DPP10: variants seen among roughly 807,000 people sequenced by gnomAD.
DPP10 encodes dipeptidyl peptidase like 10.
DPP10 carries 33 observed loss-of-function variants against 120.9 expected under a neutral mutation model. The ratio of observed to expected loss-of-function variants is 0.27; its 90% CI spans 0.21 to 0.37. The LOEUF is 0.37. Among genes scored for constraint, DPP10 ranks in the 10% least tolerant of loss-of-function variants. The pLI, the probability that DPP10 is intolerant of heterozygous loss-of-function variation, is 1.00. For missense variants in DPP10, 816 were observed against 942.8 expected, an observed-to-expected ratio of 0.87 and a Z score of 1.76; for synonymous variants, 337 against 326.1, an observed-to-expected ratio of 1.03 and a Z score of -0.36.
chr2:115,173,841 C>T (rs769847779), intron 1 of DPP10, among the ~76,000 whole-genome samples: 1 of 152,132 alleles, frequency 6.6e-6, no homozygotes, highest in African/African-American at 2.4e-5. Context: ...ATCTGGTTTA[C>T]TGATAAGGCA....
At position 114,819,005 on chromosome 2, in the gene DPP10, G is replaced by T. The variant is rs375391723; in HGVS notation, c.60+376167G>T. 5.3e-5 allele frequency among the ~76,000 whole-genome samples: 8 copies of T among 152,072 alleles called. No homozygotes were observed. The East Asian group carries it at 7.8e-4, about 15-fold the overall frequency. ...TTTTCATTAATTGACTTAGTGATAC[G>T]TTACCTAACTCTGTTGCATAGTTTT... is the stretch of plus-strand genomic sequence containing the variant. On this transcript the variant is annotated intron_variant, in intron 1 of 25. Transcript: ENST00000410059.
chr2:114,963,639 G>A (rs1238172219), intron 1 of DPP10, among the ~76,000 whole-genome samples: 1 of 152,130 alleles, frequency 6.6e-6, no homozygotes, highest in East Asian at 1.9e-4. Context: ...AAAGCAAAGA[G>A]ATTCACAGAA....
At chr2:115,042,489 C>T (rs185784651) in intron 1 of DPP10, among the ~76,000 whole-genome samples, 6 of 140,728 alleles carry the variant, frequency 4.3e-5, no homozygotes, top group Non-Finnish European at 9.8e-5. Context: ...TGATCTCAAA[C>T]TTCTGGCCTC....
At position 115,764,338 on chromosome 2, in the gene DPP10, G is replaced by T. The variant is rs1201006917; in HGVS notation, c.1113+1728G>T. On this transcript the variant is annotated intron_variant, in intron 12 of 25. Coordinates refer to ENST00000410059, the MANE Select transcript of DPP10 (RefSeq NM_020868.6). Reference sequence around the variant, plus strand: ...GATGGATAGACACAGATAAATGTTTGTATATATATTACGAGTATATGTGTC... The same window carrying T: ...GATGGATAGACACAGATAAATGTTTTTATATATATTACGAGTATATGTGTC... Among the ~76,000 whole-genome samples, 5 of 151,918 alleles carry T rather than the reference G, an allele frequency of 3.3e-5. No individual in the cohort carries two copies. In the East Asian group the frequency reaches 9.7e-4, roughly 29 times the overall value.
At chr2:114,775,510 G>A (rs997844919) in intron 1 of DPP10, among the ~76,000 whole-genome samples, 7 of 152,142 alleles carry the variant, frequency 4.6e-5, no homozygotes, top group Non-Finnish European at 1.0e-4. Flanking sequence ...TGGGCATCCT[G>A]AAAATCCTTT....
intron 1 of DPP10, among the ~76,000 whole-genome samples, chr2:114,515,215 A>G (rs1381634574): frequency 1.3e-5 from 2 of 152,178 alleles, no homozygotes; most frequent in Non-Finnish European, 2.9e-5. Context: ...CATGGGCATA[A>G]ACATTGAGAA....
chr2:115,063,395 G>A (rs1389418921), intron 1 of DPP10, among the ~76,000 whole-genome samples: 1 of 152,028 alleles, frequency 6.6e-6, no homozygotes. Flanking sequence ...AGTTTAATTA[G>A]ATCCCTTTTG....
At chr2:115,826,923 A>G (rs1439097358) in intron 21 of DPP10, among the ~76,000 whole-genome samples, 1 of 152,036 alleles carries the variant, frequency 6.6e-6, no homozygotes, top group Non-Finnish European at 1.5e-5. Context: ...ATTCAATCTG[A>G]CAGACTCTGC....
At chr2:115,700,514 G>T (rs1273616172) in intron 7 of DPP10, among the ~76,000 whole-genome samples, 2 of 152,024 alleles carry the variant, frequency 1.3e-5, no homozygotes, top group Non-Finnish European at 2.9e-5. Context: ...TAGTTTCTTT[G>T]AGATAAGAAA....
chr2:115,181,303 A>G (rs1202541452), intron 1 of DPP10, among the ~76,000 whole-genome samples: 1 of 152,184 alleles, frequency 6.6e-6, no homozygotes, highest in Non-Finnish European at 1.5e-5. Context: ...TTCATATCAT[A>G]TCACTCCCTT....
chr2:115,067,196 T>G (rs1200766332), intron 1 of DPP10, among the ~76,000 whole-genome samples: 1 of 152,130 alleles, frequency 6.6e-6, no homozygotes, highest in African/African-American at 2.4e-5. Context: ...AACATAATGT[T>G]TTCTATGGTC....
At chr2:114,633,233 T>G (rs1267266567) in intron 1 of DPP10, among the ~76,000 whole-genome samples, 1 of 147,794 alleles carries the variant, frequency 6.8e-6, no homozygotes, top group African/African-American at 2.5e-5. Flanking sequence ...ATTTATTTCA[T>G]ATTGGTTTTT....
chr2:114,727,611 A>G (rs1676461727), intron 1 of DPP10, among the ~76,000 whole-genome samples: 1 of 152,182 alleles, frequency 6.6e-6, no homozygotes, highest in Non-Finnish European at 1.5e-5. Context: ...CTTTTCCCTA[A>G]TGGAGGATTT....
chr2:114,930,254 C>A (rs926875837), intron 1 of DPP10, among the ~76,000 whole-genome samples: 1 of 152,144 alleles, frequency 6.6e-6, no homozygotes, highest in African/African-American at 2.4e-5. Context: ...TCTTCTCTAC[C>A]GCATAGCCAG....
chr2:115,239,686 G>T (rs956258432), intron 1 of DPP10, among the ~76,000 whole-genome samples: 10 of 152,036 alleles, frequency 6.6e-5, no homozygotes, highest in African/African-American at 2.4e-4. Flanking sequence ...ACATGCCATG[G>T]TGGTTTGCCA....
At chr2:114,831,097 A>G (rs1247750862) in intron 1 of DPP10, among the ~76,000 whole-genome samples, 1 of 145,078 alleles carries the variant, frequency 6.9e-6, no homozygotes, top group East Asian at 2.0e-4. Context: ...TTGTATTAAA[A>G]AACAGATGAT....
chr2:115,292,069 A>G (rs1397130739), intron 1 of DPP10, among the ~76,000 whole-genome samples: 1 of 152,136 alleles, frequency 6.6e-6, no homozygotes. Context: ...ATTCTAAAAT[A>G]TTTCTGGAAA....
At chr2:115,309,073 C>G (rs993100279) in intron 1 of DPP10, among the ~76,000 whole-genome samples, 166 bp from the exon 2 acceptor site, 2 of 152,028 alleles carry the variant, frequency 1.3e-5, no homozygotes, top group African/African-American at 4.8e-5. Context: ...AAAAGATAGC[C>G]ATTTATAATA....
At chr2:114,885,583 ACACT>A (rs1335833794) in intron 1 of DPP10, among the ~76,000 whole-genome samples, 4 of 152,186 alleles carry the variant, frequency 2.6e-5, no homozygotes, top group Non-Finnish European at 4.4e-5. Context: ...TTTATTACAC[ACACT>A]CAGTGTAACA....
Sources: gnomAD v4.1 joint callset for allele counts (sites outside exome capture counted in the v4.1 genomes callset) on GRCh38, gnomAD v4.1.1 for gene constraint, MANE v1.5 for transcripts, NCBI Gene and HGNC (gene_info 2026-07-23, HGNC 2026-07-21) for gene names.